TMPRSS9: variants seen among roughly 807,000 people sequenced by gnomAD.
TMPRSS9 encodes the protein transmembrane serine protease 9.
In TMPRSS9, 113 loss-of-function variants were observed where a neutral mutation model predicts 111.4. The observed-to-expected ratio is 1.01, with a 90% CI of 0.87 to 1.19. The LOEUF is 1.19. Among genes scored for constraint, TMPRSS9 ranks in the 50% most tolerant of loss-of-function variants. The pLI is 0.00. For synonymous variants in TMPRSS9, 805 were observed against 659.1 expected (o/e 1.22, Z -3.39); for missense variants, 1,803 against 1,513.1 (o/e 1.19, Z -3.18).
chr19:2,425,122 C>G (rs1421560693), exon 16 of TMPRSS9: 4 of 1,582,520 alleles, frequency 2.5e-6, no homozygotes, highest in Non-Finnish European at 3.4e-6. Context: ...TCTACACGCT[C>G]GACTACGACG....
chr19:2,416,460 G>A (rs1971232724), intron 11 of TMPRSS9, 78 bp from the exon 13 acceptor site: 3 of 1,524,162 alleles, frequency 2.0e-6, no homozygotes, highest in Non-Finnish European at 1.8e-6. Flanking sequence ...TCCTGGGGGT[G>A]TGCATCAGCC....
chr19:2,399,346 G>T (rs1172168329), intron 4 of TMPRSS9, among the ~76,000 whole-genome samples, 153 bp downstream of exon 5: 2 of 152,184 alleles, frequency 1.3e-5, no homozygotes, highest in African/African-American at 4.8e-5. Context: ...CATTTTGGGA[G>T]GCCGAGGCGG....
exon 1 of TMPRSS9, chr19:2,389,843 G>T: frequency 6.2e-7 from 1 of 1,614,008 alleles, no homozygotes; most frequent in Non-Finnish European, 8.5e-7. Flanking sequence ...GGAAGTCCCC[G>T]CTCTGGATGC....
chr19:2,368,823 C>T (rs1230048431), intron 1 of TMPRSS9, among the ~76,000 whole-genome samples: 5 of 115,492 alleles, frequency 4.3e-5, no homozygotes, highest in Admixed American at 1.1e-4. Context: ...CTCACTCTGT[C>T]GCCCAGGCTG....
rs372886440 is a variant in TMPRSS9, at chr19:2,410,242, C to T, written c.1118-16C>T. On this transcript the variant is annotated splice_polypyrimidine_tract_variant and intron_variant, in intron 8 of 17. Transcript: ENST00000648592. ...TCCGGCACTCTCACCCTGCTTTTCT[C>T]TCCCCATTCGGCCAGTGGTCAAGCC... 2.5e-5 allele frequency: 40 copies of T among 1,613,432 alleles called. No homozygotes were observed. In the African/African-American group the frequency reaches 4.3e-4, roughly 17 times the overall value.
intron 2 of TMPRSS9, 136 bp from the exon 4 acceptor site, chr19:2,398,659 T>G: frequency 2.3e-6 from 1 of 427,024 alleles, no homozygotes; most frequent in South Asian, 2.1e-5. Context: ...AGATAAAAAT[T>G]TAAAATAATA....
intron 2 of TMPRSS9, among the ~76,000 whole-genome samples, chr19:2,396,994 C>G (rs1409564732): frequency 6.6e-6 from 1 of 151,802 alleles, no homozygotes; most frequent in African/African-American, 2.4e-5. Context: ...GATCTCGGCT[C>G]ACTGCAAGCT....
intron 4 of TMPRSS9, among the ~76,000 whole-genome samples, chr19:2,399,912 G>A (rs1970794244): frequency 6.6e-6 from 1 of 152,090 alleles, no homozygotes; most frequent in Admixed American, 6.6e-5. Context: ...TGTATTTTTA[G>A]TGAGATGGGG....
chr19:2,402,128 C>A, intron 5 of TMPRSS9, 112 bp downstream of exon 6: 3 of 1,013,708 alleles, frequency 3.0e-6, no homozygotes, highest in Non-Finnish European at 4.3e-6. Context: ...CGCGGTGGCT[C>A]ACATCTGTCG....
exon 2 of TMPRSS9, chr19:2,396,648 G>T (rs1227664226): frequency 5.0e-6 from 8 of 1,608,594 alleles, no homozygotes; most frequent in Non-Finnish European, 6.8e-6. Flanking sequence ...GCACGCTGAC[G>T]CCCACCCTGG....
exon 16 of TMPRSS9, chr19:2,425,224 C>A (rs1280330211): frequency 4.1e-6 from 6 of 1,461,308 alleles, no homozygotes; most frequent in Non-Finnish European, 5.4e-6. Context: ...CCCCGGACGG[C>A]ACGCGCTGCG....
intron 13 of TMPRSS9, 132 bp downstream of exon 14, chr19:2,418,270 TTCC>T (rs1971304534): frequency 1.0e-6 from 1 of 992,456 alleles, no homozygotes; most frequent in African/African-American, 2.0e-5. Context: ...CTCCTTGTCC[TTCC>T]CTCCTTTTCC....
At chr19:2,399,075 C>T in exon 4 of TMPRSS9, 1 of 1,613,642 alleles carries the variant, frequency 6.2e-7, no homozygotes. Context: ...TGCGACCCCT[C>T]CAGACGCTGA....
chr19:2,413,956 C>G (rs780463517), exon 10 of TMPRSS9: 3 of 1,611,880 alleles, frequency 1.9e-6, no homozygotes, highest in Admixed American at 1.7e-5. Flanking sequence ...AGCACCCCCA[C>G]CAAATCGATG....
At chr19:2,384,110 G>C (rs1023554138) in intron 1 of TMPRSS9, among the ~76,000 whole-genome samples, 2 of 152,098 alleles carry the variant, frequency 1.3e-5, no homozygotes, top group Non-Finnish European at 2.9e-5. Flanking sequence ...GACCCCGCCC[G>C]GGGAAACAGA....
intron 1 of TMPRSS9, among the ~76,000 whole-genome samples, chr19:2,390,325 C>G (rs1275813056): frequency 1.4e-5 from 2 of 144,062 alleles, no homozygotes; most frequent in African/African-American, 5.3e-5. Flanking sequence ...TCACTGCAAG[C>G]TCCACCTCCC....
chr19:2,415,942 G>T, intron 11 of TMPRSS9, 101 bp downstream of exon 12: 1 of 1,355,556 alleles, frequency 7.4e-7, no homozygotes, highest in South Asian at 1.6e-5. Context: ...GGACCCCACT[G>T]GGGAGCAGCC....
At chr19:2,405,403 G>A (rs1970947058) in exon 7 of TMPRSS9, 2 of 1,605,150 alleles carry the variant, frequency 1.2e-6, no homozygotes, top group African/African-American at 1.3e-5. Context: ...CTGGAGGATG[G>A]CCGGCAGGAT....
rs1257505972 is a variant in TMPRSS9 at position 2,381,213 on chromosome 19, A to G, written c.-25-8548A>G. ...AGAGAGTGAAATGAATGGCGCTTCT[A>G]TGTTTGATGCTAAATAGCTGTGGAG... On this transcript the variant is annotated intron_variant, in intron 1 of 17. Coordinates refer to the TMPRSS9 transcript ENST00000649857. Among the ~76,000 whole-genome samples the G allele has an allele frequency of 1.3e-5, 2 of 152,038 alleles. 1 individual carries two copies. The highest frequency in any genetic ancestry group is 2.9e-5 in the Non-Finnish European group (2 of 68,026).
Sources: gnomAD v4.1 joint callset for allele counts (sites outside exome capture counted in the v4.1 genomes callset) on GRCh38, gnomAD v4.1.1 for gene constraint, MANE v1.5 for transcripts, NCBI Gene and HGNC (gene_info 2026-07-23, HGNC 2026-07-21) for gene names.